The following PLXNB3 variants were observed in gnomAD, a reference collection of about 807,000 sequenced individuals.
The protein encoded by PLXNB3 is plexin B3.
In PLXNB3, 80 loss-of-function variants were observed where a neutral mutation model predicts 125.7. That is an observed-to-expected ratio of 0.64 (90% CI 0.53 to 0.77). PLXNB3 has a LOEUF of 0.77. PLXNB3 is among the 30% of genes least tolerant of loss of function. The pLI is 0.00. For missense variants in PLXNB3, 1,836 were observed against 1,729.3 expected (o/e 1.06, Z -1.09); for synonymous variants, 954 against 783.3 (o/e 1.22, Z -3.64).
intron 15 of PLXNB3, 24 bp downstream of exon 15, chrX:153,772,039 T>C (rs782273361): frequency 5.1e-6 from 6 of 1,173,205 alleles, no homozygotes; most frequent in Non-Finnish European, 5.7e-6. Context: ...AGGGTGAAGA[T>C]GGGTGGGGAG....
intron 26 of PLXNB3, 110 bp downstream of exon 26, chrX:153,775,770 G>T (rs1230809612): frequency 2.8e-6 from 3 of 1,086,925 alleles, no homozygotes; most frequent in Admixed American, 2.4e-5. Flanking sequence ...GGCAAGGGGG[G>T]CTTTGGAAAG....
chrX:153,767,549 C>T lies in PLXNB3; in HGVS notation c.722C>T (p.Ala241Val), dbSNP rs370988850. 176 of 1,172,887 alleles carry T rather than the reference C, an allele frequency of 1.5e-4. No homozygotes were observed. Among genetic ancestry groups the T allele is most frequent in the Non-Finnish European group, 1.9e-4 (169 of 876,540 alleles). Residue 241 changes from alanine (A) to valine (V), a missense_variant, in exon 3 of 36, where the codon GCC (alanine) becomes GTC (valine). Physicochemically the swap from Ala to Val is moderately conservative, Grantham distance 64 (BLOSUM62 0). Transcript: ENST00000361971. Reference sequence around the variant, plus strand: ...AGCTACGTCGGGGCCTTTGCCGACGCCCGCTCCGCCTACTTCGTGTTCCGC... The same window carrying T: ...AGCTACGTCGGGGCCTTTGCCGACGTCCGCTCCGCCTACTTCGTGTTCCGC... ...NNSYVGAFAD[A>V]RSAYFVFRRR...
intron 3 of PLXNB3, 111 bp from the exon 4 acceptor site, chrX:153,768,138 T>C (rs1557060039): frequency 1.1e-6 from 1 of 895,326 alleles, no homozygotes; most frequent in Non-Finnish European, 1.6e-6. Context: ...TTGCTGGGCC[T>C]TGGGGTCATC....
At position 153,766,874 on chromosome X, in the gene PLXNB3, C is replaced by A. The variant is rs1557059395; in HGVS notation, c.47C>A (p.Ala16Asp). The change falls in exon 3 of 36, where the codon GCC (alanine) becomes GAC (aspartate). Residue 16 changes from alanine to aspartate, a missense_variant and splice_region_variant. Coordinates refer to ENST00000361971, the MANE Select transcript of PLXNB3 (RefSeq NM_005393.3). ...QETPLLHHFM[A>D]PVMARWPPFG... ...GCCCTGACCTGTGCCCTCTCACAGG[C>A]CCCCGTGATGGCTCGCTGGCCTCCC... is the stretch of plus-strand genomic sequence containing the variant. 2 of 1,191,308 alleles carry A rather than the reference C, an allele frequency of 1.7e-6. No homozygotes were observed. Among genetic ancestry groups the A allele is most frequent in the Non-Finnish European group, 2.3e-6 (2 of 886,958 alleles).
In PLXNB3 at chrX:153,770,876, A is replaced by T. The variant is rs781864901; in HGVS notation, c.2129A>T (p.His710Leu). ...HLALRVRNLQ[H>L]FRGLPASFHC... is the part of the protein sequence containing the mutation. ...GCCCTACGCGTGCGGAACCTTCAAC[A>T]TTTCCGAGTGAGCCATCAGGAGGGA... Residue 710 changes from histidine (H) to leucine (L), a missense_variant, in exon 11 of 36, where the codon CAT becomes CTT. Transcript: ENST00000361971. 1 of 1,204,228 alleles carries T rather than the reference A, an allele frequency of 8.3e-7. No homozygotes were observed. The highest frequency in any genetic ancestry group is 1.8e-5 in the South Asian group (1 of 56,461).
At chrX:153,775,720 A>C (rs368939240) in intron 26 of PLXNB3, 60 bp downstream of exon 26, 1 of 1,134,335 alleles carries the variant, frequency 8.8e-7, no homozygotes, top group African/African-American at 1.8e-5. Context: ...CCCTCTTGCC[A>C]TGAGGGGGCT....
Position 153,768,359 on chromosome X carries a change from C to A in PLXNB3, c.1197C>A (p.Ala399=). ...PLLKLGQPVS[A]VAALQADGHM... ...TGAAGCTCGGGCAGCCGGTCAGCGC[C>A]GTGGCAGCTCTCCAGGCAGATGGGC... The change falls in exon 4 of 36, where the codon GCC becomes GCA. Residue 399 remains alanine (A), a synonymous_variant. Coordinates refer to ENST00000361971, the MANE Select transcript of PLXNB3 (RefSeq NM_005393.3). The A allele has an allele frequency of 6.6e-6, 8 of 1,210,620 alleles. No individual in the cohort carries two copies. Among genetic ancestry groups the A allele is most frequent in the Non-Finnish European group, 8.9e-6 (8 of 894,922 alleles).
chrX:153,778,961 T>C lies in PLXNB3; in HGVS notation c.5652T>C (p.Pro1884=). 3.4e-6 allele frequency: 4 copies of C among 1,193,377 alleles called. No homozygotes were observed. Among genetic ancestry groups the C allele is most frequent in the East Asian group, 3.0e-5 (1 of 33,303 alleles). ...TTATCAGTGCCCTGGAGGAGGACCC[T>C]GTGGGCCAGAAGCTGCAGCTGGCCT... ...DQIISALEED[P]VGQKLQLACR... The change falls in exon 36 of 36, where the codon CCT becomes CCC. Residue 1884 remains proline (P), a synonymous_variant. Transcript: ENST00000361971.
At chrX:153,775,762 C>A (rs2091979055) in intron 26 of PLXNB3, 102 bp downstream of exon 26, 2 of 1,088,312 alleles carry the variant, frequency 1.8e-6, no homozygotes, top group African/African-American at 3.6e-5. Flanking sequence ...GAAGGCCCGG[C>A]AAGGGGGGCT....
rs781805567 is a variant in PLXNB3, at chrX:153,765,540, G to A, written c.5G>A (p.Cys2Tyr). ...TGGGGCAGCTGAACTGAGCGTATGT[G>A]CCACGCCGCCCAGGAGACCCCTCTG... M[C>Y]HAAQETPLLH... Residue 2 changes from cysteine to tyrosine, a missense_variant, in exon 2 of 36, where the codon TGC (cysteine) becomes TAC (tyrosine). Physicochemically the swap from Cys to Tyr is radical, Grantham distance 194. Coordinates refer to ENST00000361971, the MANE Select transcript of PLXNB3 (RefSeq NM_005393.3). 1.3e-4 allele frequency: 157 copies of A among 1,194,347 alleles called. 2 individuals are homozygous for A. In the South Asian group the frequency reaches 1.8e-3, roughly 14 times the overall value.
rs1331796751 is a variant in PLXNB3, at chrX:153,778,813, G to A, written c.5626-122G>A. Reference sequence around the variant, plus strand: ...CTCGGCTTTCATTCTGATTCCCCAGGGAGACGCCAGGCAGCCCCTGCTGGA... The same window carrying A: ...CTCGGCTTTCATTCTGATTCCCCAGAGAGACGCCAGGCAGCCCCTGCTGGA... On this transcript the variant is annotated intron_variant, in intron 35 of 35. Coordinates refer to ENST00000361971, the MANE Select transcript of PLXNB3 (RefSeq NM_005393.3). 9 of 1,110,821 alleles carry A rather than the reference G, an allele frequency of 8.1e-6. No homozygotes were observed. In the East Asian group the frequency reaches 2.0e-4, roughly 25 times the overall value. The allele number at this position is 1,110,821 out of a possible 1,213,427, so 91.5% of individuals were successfully genotyped here. A position where few individuals can be genotyped will look rare whatever the true frequency, so the allele number is the denominator to read the frequency against.
At position 153,771,335 on chromosome X, in the gene PLXNB3, AG is replaced by A. The variant is rs2091927527; in HGVS notation, c.2280del (p.Glu760AspfsTer24). On this transcript the variant is annotated frameshift_variant, in exon 13 of 36. Transcript: ENST00000361971. LOFTEE classifies it high-confidence loss of function. ...TTTTATCCCTCCATGTCCCAGCGGGAGCTCCCAGTGCCCATCTACGTCACCC... is the reference window on the plus strand; with the variant it reads ...TTTTATCCCTCCATGTCCCAGCGGGACTCCCAGTGCCCATCTACGTCACCC... ...HQFYPSMSQR[E>X]LPVPIYVTQG... 1 of 1,207,983 alleles carries A rather than the reference AG, an allele frequency of 8.3e-7. No individual in the cohort carries two copies. The highest frequency in any genetic ancestry group is 1.7e-5 in the African/African-American group (1 of 57,258).
rs782340019 is a variant in PLXNB3, at chrX:153,771,075, C to T, written c.2247C>T (p.Ala749=). The change falls in exon 12 of 36, where the codon GCC becomes GCT. Residue 749 remains alanine (A), a synonymous_variant. Coordinates refer to ENST00000361971, the MANE Select transcript of PLXNB3 (RefSeq NM_005393.3). The stretch of plus-strand genomic sequence containing the variant: ...ATTCAGGCCTCATCCACTGCCAGGC[C>T]CACCAGGTGAGTGGCTGCCTTCCAA... ...AGDSGLIHCQ[A]HQFYPSMSQR... is the part of the protein sequence containing the mutation. 1 of 1,197,739 alleles carries T rather than the reference C, an allele frequency of 8.3e-7. No homozygotes were observed. The highest frequency in any genetic ancestry group is 2.2e-5 in the Admixed American group (1 of 46,037).
chrX:153,772,657 A>G (rs370466676), intron 16 of PLXNB3: 1 of 949,131 alleles, frequency 1.1e-6, no homozygotes, highest in Non-Finnish European at 1.3e-6. Flanking sequence ...ACAGAGTGGC[A>G]GTGAGGATGA....
Position 153,774,482 on chromosome X carries a change from G to A in PLXNB3, c.3741G>A (p.Leu1247=). Residue 1247 remains leucine (L), a synonymous_variant, in exon 22 of 36, where the codon CTG becomes CTA. Coordinates refer to ENST00000361971, the MANE Select transcript of PLXNB3 (RefSeq NM_005393.3). ...TGCAGTACGAGGCTGAACCCCCGCT[G>A]TCTGCCTTTCCCGTGGAGGCCCAGG... ...GPVQYEAEPP[L]SAFPVEAQAG... 6 of 1,206,713 alleles carry A rather than the reference G, an allele frequency of 5.0e-6. No homozygotes were observed. Among genetic ancestry groups the A allele is most frequent in the Non-Finnish European group, 6.7e-6 (6 of 893,289 alleles).
intron 8 of PLXNB3, 29 bp downstream of exon 8, chrX:153,770,277 G>C (rs1249948708): frequency 5.0e-6 from 6 of 1,206,354 alleles, no homozygotes; most frequent in African/African-American, 1.7e-5. Context: ...AGGGGGCTGG[G>C]ATGGAGGCTG....
intron 14 of PLXNB3, 30 bp downstream of exon 14, chrX:153,771,685 A>G: frequency 8.6e-7 from 1 of 1,157,273 alleles, no homozygotes; most frequent in Non-Finnish European, 1.2e-6. Context: ...CCCACAGCCC[A>G]GTGGCCCACT....
At chrX:153,772,077 A>G in intron 15 of PLXNB3, 62 bp downstream of exon 15, 2 of 1,116,860 alleles carry the variant, frequency 1.8e-6, no homozygotes, top group Non-Finnish European at 2.3e-6. Context: ...CCCAGAGATA[A>G]GGAAGGCCTG....
chrX:153,771,186 T>G, intron 12 of PLXNB3, 105 bp downstream of exon 12: 1 of 913,753 alleles, frequency 1.1e-6, no homozygotes, highest in Non-Finnish European at 1.6e-6. Context: ...CCTCTGTCTG[T>G]GGGCCCCAGT....
Sources: allele counts gnomAD v4.1 joint callset, GRCh38; gene constraint gnomAD v4.1.1; transcripts MANE v1.5; gene names NCBI Gene and HGNC (gene_info 2026-07-23, HGNC 2026-07-21).